The following PCNT variants were observed in gnomAD, a reference collection of about 807,000 sequenced individuals.
PCNT encodes the protein kendrin.
PCNT carries 319 observed loss-of-function variants against 380.4 expected under a neutral mutation model. The observed-to-expected ratio is 0.84, with a 90% CI of 0.77 to 0.92. PCNT has a LOEUF of 0.92. Among genes scored for constraint, PCNT ranks in the 40% least tolerant of loss-of-function variants. The pLI is 0.00. For synonymous variants in PCNT, 1,845 were observed against 1,735.2 expected, an observed-to-expected ratio of 1.06 and a Z score of -1.57; for missense variants, 4,400 against 4,255.3, an observed-to-expected ratio of 1.03 and a Z score of -0.95.
rs2147667188 is a variant in PCNT at position 46,411,367 on chromosome 21, ACAGT to A, written c.5298_5301del (p.Ser1766ArgfsTer36). On this transcript the variant is annotated frameshift_variant, in exon 28 of 47. Transcript: ENST00000359568. LOFTEE classifies it high-confidence loss of function. ...GGGCCTGTGGTGCACGAAGTCAGCGACAGTCAGGCTGGCAGTCTGCAGAGCGAGC... is the reference window on the plus strand; with the variant it reads ...GGGCCTGTGGTGCACGAAGTCAGCGACAGGCTGGCAGTCTGCAGAGCGAGC... 3 of 1,614,094 alleles carry A rather than the reference ACAGT, an allele frequency of 1.9e-6. No homozygotes were observed. Among genetic ancestry groups the A allele is most frequent in the Non-Finnish European group, 2.5e-6 (3 of 1,180,024 alleles).
At position 46,442,974 on chromosome 21, in the gene PCNT, C is replaced by T. The variant is rs535179123; in HGVS notation, c.9700+401C>T. ...CGGGAGTTCTCTGCCGAGCCATTGC[C>T]CCCTACAGCAGAGAGCACAGCTGGC... On this transcript the variant is annotated intron_variant, in intron 44 of 46. Coordinates refer to ENST00000359568, the MANE Select transcript of PCNT (RefSeq NM_006031.6). 588 of 311,780 alleles carry T rather than the reference C, an allele frequency of 1.9e-3. 2 individuals carry two copies. Among genetic ancestry groups the T allele is most frequent in the Admixed American group, 4.2e-3 (90 of 21,236 alleles). The allele number at this position is 311,780 out of a possible 1,614,324, so 19.3% of individuals were successfully genotyped here. A position where few individuals can be genotyped will look rare whatever the true frequency, so the allele number is the denominator to read the frequency against.
intron 12 of PCNT, 106 bp from the exon 13 acceptor site, chr21:46,356,868 C>A: frequency 3.3e-6 from 3 of 903,966 alleles, no homozygotes; most frequent in Non-Finnish European, 5.5e-6. Flanking sequence ...TCCACAGTGT[C>A]TGCTGTCAGA....
At chr21:46,420,981 G>C (rs1476279931) in intron 31 of PCNT, 1 of 152,296 alleles carries the variant, frequency 6.6e-6, no homozygotes, top group Non-Finnish European at 1.5e-5. Flanking sequence ...ATTTTGAGGG[G>C]TACAGGCAGC....
At chr21:46,413,803 G>A (rs1303654285) in intron 29 of PCNT, among the ~76,000 whole-genome samples, 1 of 152,124 alleles carries the variant, frequency 6.6e-6, no homozygotes, top group Admixed American at 6.6e-5. Flanking sequence ...TTTTCCCCGG[G>A]GAAGGAGGTT....
chr21:46,436,316 G>C (rs1370223636), intron 39 of PCNT, among the ~76,000 whole-genome samples, 168 bp downstream of exon 39: 1 of 152,192 alleles, frequency 6.6e-6, no homozygotes, highest in East Asian at 1.9e-4. Context: ...TTGGCAAGAT[G>C]GCATGTTCAT....
In PCNT at chr21:46,404,940, C is replaced by T. The variant is rs868499070; in HGVS notation, c.5115+2457C>T. Among the ~76,000 whole-genome samples, 11 of 152,042 alleles carry T rather than the reference C, an allele frequency of 7.2e-5. No homozygotes were observed. The South Asian group carries it at 2.3e-3, about 32-fold the overall frequency. The stretch of plus-strand genomic sequence containing the variant: ...ACAAAGCAAGACCCTGTCTCAAAAA[C>T]AAAATTAACTTTATGGCCGGGCACA... On this transcript the variant is annotated intron_variant, in intron 27 of 46. Coordinates refer to ENST00000359568, the MANE Select transcript of PCNT (RefSeq NM_006031.6).
At chr21:46,428,813 G>C (rs999873410) in intron 35 of PCNT, among the ~76,000 whole-genome samples, 4 of 152,228 alleles carry the variant, frequency 2.6e-5, no homozygotes, top group African/African-American at 4.8e-5. Flanking sequence ...GGCCTGATGT[G>C]GGCAAGAGGG....
At chr21:46,372,604 A>G (rs1370782741) in intron 15 of PCNT, among the ~76,000 whole-genome samples, 1 of 152,198 alleles carries the variant, frequency 6.6e-6, no homozygotes, top group East Asian at 1.9e-4. Flanking sequence ...TATGGTACAT[A>G]TGGTTTCAAG....
intron 31 of PCNT, 124 bp downstream of exon 31, chr21:46,418,430 CTCT>C: frequency 1.4e-6 from 1 of 710,728 alleles, no homozygotes; most frequent in Admixed American, 2.1e-5. Context: ...TCCACCCCGG[CTCT>C]GCGCTTTGTC....
intron 7 of PCNT, 40 bp from the exon 8 acceptor site, chr21:46,349,644 G>C (rs762031000): frequency 6.2e-7 from 1 of 1,605,448 alleles, no homozygotes; most frequent in Non-Finnish European, 8.5e-7. Flanking sequence ...TGAGGAGAGT[G>C]ATGTCTTGTA....
intron 2 of PCNT, 140 bp from the exon 3 acceptor site, chr21:46,334,257 C>A: frequency 9.0e-7 from 1 of 1,112,798 alleles, no homozygotes; most frequent in Non-Finnish European, 1.4e-6. Context: ...GCGGAAGGTG[C>A]ACGTTCTGAA....
chr21:46,342,657 C>G (rs1436226571), intron 3 of PCNT, among the ~76,000 whole-genome samples: 1 of 151,964 alleles, frequency 6.6e-6, no homozygotes, highest in Non-Finnish European at 1.5e-5. Flanking sequence ...TCTTCTACCT[C>G]AGCTTCCAGA....
In PCNT at chr21:46,444,038, C is replaced by G. The variant is rs1243862365; in HGVS notation, c.9839+90C>G. ...CAGAGAAATGCATTTTTAGTTCTGG[C>G]TTTGGCCCAGCCCAGGGCAAGGCAG... On this transcript the variant is annotated intron_variant, in intron 45 of 46. Coordinates refer to ENST00000359568, the MANE Select transcript of PCNT (RefSeq NM_006031.6). 10 of 1,401,922 alleles carry G rather than the reference C, an allele frequency of 7.1e-6. No homozygotes were observed. The Admixed American group carries it at 1.9e-4, about 27-fold the overall frequency. The allele number at this position is 1,401,922 out of a possible 1,614,324, so 86.8% of individuals were successfully genotyped here.
intron 38 of PCNT, among the ~76,000 whole-genome samples, chr21:46,433,007 T>C (rs1343798109): frequency 3.9e-5 from 6 of 152,184 alleles, no homozygotes; most frequent in Non-Finnish European, 8.8e-5. Flanking sequence ...ATTTATTTAC[T>C]TATTTATTTT....
At chr21:46,362,588 G>GT (rs200609048) in intron 13 of PCNT, among the ~76,000 whole-genome samples, 7,110 of 152,072 alleles carry the variant, frequency 0.047, 219 homozygotes, top group Non-Finnish European at 0.063. Flanking sequence ...CTTTTTTTGG[G>GT]TTTTTTGTTT....
chr21:46,403,849 G>A lies in PCNT; in HGVS notation c.5115+1366G>A, dbSNP rs144068486. On this transcript the variant is annotated intron_variant, in intron 27 of 46. Transcript: ENST00000359568. ...TGAATCAACTCAGCGTGGGAGAATC[G>A]TGTATGTGTGGTGCCCACGCGGCGT... is the stretch of plus-strand genomic sequence containing the variant. Among the ~76,000 whole-genome samples the A allele has an allele frequency of 1.3e-4, 19 of 143,716 alleles. 1 individual carries two copies. The highest frequency in any genetic ancestry group is 6.9e-4 in the Admixed American group (10 of 14,490). The allele number at this position is 143,716 out of a possible 152,430, so 94.3% of individuals were successfully genotyped here.
At chr21:46,351,644 A>G (rs946128117) in intron 9 of PCNT, 104 bp downstream of exon 9, 2 of 792,788 alleles carry the variant, frequency 2.5e-6, no homozygotes, top group Non-Finnish European at 4.5e-6. Context: ...CAAACACAAA[A>G]AAGTGGATTT....
intron 15 of PCNT, among the ~76,000 whole-genome samples, chr21:46,377,051 G>A (rs559254325): frequency 5.9e-5 from 9 of 151,332 alleles, no homozygotes; most frequent in African/African-American, 1.7e-4. Context: ...GGGGGCACCC[G>A]ATCCTTTATC....
intron 6 of PCNT, 73 bp downstream of exon 6, chr21:46,347,585 A>T: frequency 4.4e-6 from 6 of 1,370,154 alleles, no homozygotes; most frequent in Non-Finnish European, 6.3e-6. Context: ...TCCCATGAGA[A>T]CGCTCCTCAC....
Sources: allele counts gnomAD v4.1 joint callset (sites outside exome capture counted in the v4.1 genomes callset), GRCh38; gene constraint gnomAD v4.1.1; transcripts MANE v1.5; gene names NCBI Gene and HGNC (gene_info 2026-07-23, HGNC 2026-07-21).